Variants in MMP16 observed in about 807,000 individuals in gnomAD.
The protein encoded by MMP16 is matrix metallopeptidase 16, also known as matrix metalloproteinase-16.
In MMP16, 12 loss-of-function variants were observed where a neutral mutation model predicts 67.8. The observed-to-expected ratio is 0.18, with a 90% CI of 0.11 to 0.29. The LOEUF (loss-of-function observed/expected upper bound fraction) is 0.29, where lower values mean the gene tolerates loss of function less well. MMP16 is among the 10% of genes least tolerant of loss of function. The pLI is 1.00. For missense variants in MMP16, 475 were observed against 765.7 expected, an observed-to-expected ratio of 0.62 and a Z score of 4.48; for synonymous variants, 249 against 255.9, an observed-to-expected ratio of 0.97 and a Z score of 0.26.
At chr8:88,170,256 G>T (rs1586187300) in intron 3 of MMP16, among the ~76,000 whole-genome samples, 1 of 152,252 alleles carries the variant, frequency 6.6e-6, no homozygotes. Context: ...GCAATATTTT[G>T]TTGCTATTGT....
At chr8:88,262,979 C>T (rs886612324) in intron 1 of MMP16, among the ~76,000 whole-genome samples, 8 of 150,720 alleles carry the variant, frequency 5.3e-5, no homozygotes, top group Non-Finnish European at 8.8e-5. Flanking sequence ...GAGCCGAGAT[C>T]GCGCCACTGC....
At chr8:88,225,627 A>G (rs963747336) in intron 1 of MMP16, among the ~76,000 whole-genome samples, 1 of 151,934 alleles carries the variant, frequency 6.6e-6, no homozygotes, top group African/African-American at 2.4e-5. Flanking sequence ...TCATCTTTGA[A>G]TATTCATTGA....
At chr8:88,211,710 A>G (rs1809515506) in intron 1 of MMP16, among the ~76,000 whole-genome samples, 1 of 152,088 alleles carries the variant, frequency 6.6e-6, no homozygotes, top group Non-Finnish European at 1.5e-5. Context: ...ACACTTTCCT[A>G]ATTGCCTAAT....
At chr8:88,158,498 C>CCG (rs1808554441) in intron 4 of MMP16, among the ~76,000 whole-genome samples, 1 of 152,116 alleles carries the variant, frequency 6.6e-6, no homozygotes, top group African/African-American at 2.4e-5. Context: ...TATCCTTTGC[C>CCG]CACTTTTTGA....
intron 4 of MMP16, among the ~76,000 whole-genome samples, chr8:88,160,704 C>T (rs1456092250): frequency 6.6e-6 from 1 of 151,906 alleles, no homozygotes; most frequent in African/African-American, 2.4e-5. Flanking sequence ...ACTAGTTCAA[C>T]CATTGTGGAA....
chr8:88,156,910 A>G (rs1415720666), intron 4 of MMP16, among the ~76,000 whole-genome samples: 1 of 152,158 alleles, frequency 6.6e-6, no homozygotes, highest in Non-Finnish European at 1.5e-5. Flanking sequence ...AATATGTATG[A>G]ATTATGATTA....
rs1438825014 is a variant in MMP16, at chr8:88,273,245, T to TG, written c.132+53829dup. ...GGCTACAGGCACGTGCCACCATGCC[T>TG]GGCTTTTTTTTTTTTTTTGTATTTT... On this transcript the variant is annotated intron_variant, in intron 1 of 9. Transcript: ENST00000286614. 9.6e-3 allele frequency among the ~76,000 whole-genome samples: 1,048 copies of TG among 109,598 alleles called. 6 individuals carry two copies. Among genetic ancestry groups the TG allele is most frequent in the African/African-American group, 0.03 (988 of 32,944 alleles). The allele number at this position is 109,598 out of a possible 152,430, so 71.9% of individuals were successfully genotyped here. A position where few individuals can be genotyped will look rare whatever the true frequency, so the allele number is the denominator to read the frequency against.
In MMP16 at chr8:88,081,721, A is replaced by G. The variant is rs115015937; in HGVS notation, c.1084-6978T>C. 7.5e-3 allele frequency among the ~76,000 whole-genome samples: 1,142 copies of G among 152,294 alleles called. 23 individuals carry two copies. Among genetic ancestry groups the G allele is most frequent in the African/African-American group, 0.026 (1,074 of 41,578 alleles). On this transcript the variant is annotated intron_variant, in intron 6 of 9. Transcript: ENST00000286614. Reference sequence around the variant, plus strand: ...CCAACAATAAAATATATTTAATAGAAAGATAATACTTACATATATTGTAGT... The same window carrying G: ...CCAACAATAAAATATATTTAATAGAGAGATAATACTTACATATATTGTAGT...
At chr8:88,256,162 G>T (rs899911547) in intron 1 of MMP16, among the ~76,000 whole-genome samples, 1 of 151,748 alleles carries the variant, frequency 6.6e-6, no homozygotes, top group Non-Finnish European at 1.5e-5. Flanking sequence ...TACATTCTAA[G>T]CCAAGTTTAT....
At chr8:88,266,845 T>G (rs1250036662) in intron 1 of MMP16, among the ~76,000 whole-genome samples, 1 of 152,200 alleles carries the variant, frequency 6.6e-6, no homozygotes, top group Non-Finnish European at 1.5e-5. Context: ...TCATGCTGAA[T>G]CAGTAGCAAT....
At chr8:88,214,089 T>C (rs995305711) in intron 1 of MMP16, among the ~76,000 whole-genome samples, 4 of 152,092 alleles carry the variant, frequency 2.6e-5, no homozygotes, top group African/African-American at 9.7e-5. Flanking sequence ...ACAACAATAA[T>C]GTCTCCAATA....
At chr8:88,096,713 G>T (rs1021925107) in intron 6 of MMP16, among the ~76,000 whole-genome samples, 1 of 151,810 alleles carries the variant, frequency 6.6e-6, no homozygotes, top group African/African-American at 2.4e-5. Flanking sequence ...GGGACTGAAG[G>T]AATTTGTTAA....
intron 1 of MMP16, among the ~76,000 whole-genome samples, chr8:88,271,542 G>A (rs1186120788): frequency 6.6e-6 from 1 of 152,126 alleles, no homozygotes; most frequent in Admixed American, 6.5e-5. Flanking sequence ...CGCCCAGGCT[G>A]GAGTACAGTG....
At chr8:88,174,642 G>T (rs952896606) in intron 3 of MMP16, among the ~76,000 whole-genome samples, 2 of 152,006 alleles carry the variant, frequency 1.3e-5, no homozygotes. Flanking sequence ...AACAATTTGA[G>T]AATAACTGGA....
At chr8:88,198,859 T>G (rs1809297755) in intron 1 of MMP16, among the ~76,000 whole-genome samples, 1 of 152,070 alleles carries the variant, frequency 6.6e-6, no homozygotes, top group Non-Finnish European at 1.5e-5. Flanking sequence ...TAATCTGTAA[T>G]GAACAGACTG....
intron 6 of MMP16, among the ~76,000 whole-genome samples, chr8:88,086,360 T>G (rs1232087041): frequency 6.6e-6 from 1 of 151,914 alleles, no homozygotes; most frequent in South Asian, 2.1e-4. Flanking sequence ...TCCTTTGAGA[T>G]CTGAAGATCG....
intron 4 of MMP16, among the ~76,000 whole-genome samples, chr8:88,123,990 G>C (rs916174761): frequency 6.6e-6 from 1 of 151,730 alleles, no homozygotes; most frequent in Non-Finnish European, 1.5e-5. Context: ...TTCTCTAAAT[G>C]CTTTTCCCCA....
At position 88,063,597 on chromosome 8, in the gene MMP16, C is replaced by T. The variant is rs1049315220; in HGVS notation, c.1223-7319G>A. On this transcript the variant is annotated intron_variant, in intron 7 of 9. Transcript: ENST00000286614. ...AATGATAGGAGTGCATTATATTGTT[C>T]AGATGTACCGGATCAGAAAAGTGGC... is the stretch of plus-strand genomic sequence containing the variant. Among the ~76,000 whole-genome samples, 31 of 149,628 alleles carry T rather than the reference C, an allele frequency of 2.1e-4. 1 individual carries two copies. The highest frequency in any genetic ancestry group is 8.9e-5 in the Non-Finnish European group (6 of 67,716).
At chr8:88,203,261 G>T (rs577867138) in intron 1 of MMP16, among the ~76,000 whole-genome samples, 1 of 151,670 alleles carries the variant, frequency 6.6e-6, no homozygotes, top group Non-Finnish European at 1.5e-5. Flanking sequence ...CTGCCACCAC[G>T]GCCAGCAATT....
Sources: gnomAD v4.1 joint callset for allele counts (sites outside exome capture counted in the v4.1 genomes callset) on GRCh38, gnomAD v4.1.1 for gene constraint, MANE v1.5 for transcripts, NCBI Gene and HGNC (gene_info 2026-07-23, HGNC 2026-07-21) for gene names.